The following SWAP70 variants were observed in gnomAD, a reference collection of about 807,000 sequenced individuals.
The protein encoded by SWAP70 is switching B cell complex subunit SWAP70.
In SWAP70, 34 loss-of-function variants were observed where a neutral mutation model predicts 80.2. The observed-to-expected ratio is 0.42, with a 90% confidence interval of 0.32 to 0.56. The LOEUF is 0.56. Among genes scored for constraint, SWAP70 ranks in the 20% least tolerant of loss-of-function variants. The pLI is 0.09. For synonymous variants in SWAP70, 239 were observed against 238.5 expected, an observed-to-expected ratio of 1.00 and a Z score of -0.02; for missense variants, 578 against 690.7, an observed-to-expected ratio of 0.84 and a Z score of 1.83.
In SWAP70 at chr11:9,679,359, C is replaced by T. The variant is rs551188080; in HGVS notation, c.100-14787C>T. 5.9e-5 allele frequency among the ~76,000 whole-genome samples: 9 copies of T among 152,332 alleles called. No homozygotes were observed. The South Asian group carries it at 1.9e-3, about 32-fold the overall frequency. ...AAGGTATTACATTCCACTCTACAGA[C>T]AGCTCTGGAAGGATGGGGCATGTCA... On this transcript the variant is annotated intron_variant, in intron 1 of 11. Coordinates refer to ENST00000318950, the MANE Select transcript of SWAP70 (RefSeq NM_015055.4).
chr11:9,732,391 G>A (rs915622462), intron 6 of SWAP70, 138 bp from the exon 7 acceptor site: 2 of 878,742 alleles, frequency 2.3e-6, no homozygotes, highest in African/African-American at 1.7e-5. Flanking sequence ...ACACCACTAT[G>A]GAGTGACAAA....
chr11:9,695,795 CT>C (rs1230472515), intron 2 of SWAP70, among the ~76,000 whole-genome samples: 1 of 151,856 alleles, frequency 6.6e-6, no homozygotes, highest in Admixed American at 6.6e-5. Flanking sequence ...TTCATATATA[CT>C]GGCAATAGTT....
In SWAP70 at chr11:9,752,735, A is replaced by G. The variant is rs1377554614; in HGVS notation, c.*2765A>G. 1 of 152,230 alleles carries G rather than the reference A, an allele frequency of 6.6e-6. No individual in the cohort carries two copies. The highest frequency in any genetic ancestry group is 2.4e-5 in the African/African-American group (1 of 41,456). 9.4% of individuals were successfully genotyped at this position (152,230 alleles called of 1,614,324 possible). A position where few individuals can be genotyped will look rare whatever the true frequency, so the allele number is the denominator to read the frequency against. On this transcript the variant is annotated 3_prime_UTR_variant, in exon 12 of 12. Coordinates refer to ENST00000318950, the MANE Select transcript of SWAP70 (RefSeq NM_015055.4). Reference sequence around the variant, plus strand: ...GGATATGATCATTTACAGGAATTATATATGAAAAAAGTTTTTGAAATGTAT... The same window carrying G: ...GGATATGATCATTTACAGGAATTATGTATGAAAAAAGTTTTTGAAATGTAT...
chr11:9,740,402 GT>G, intron 9 of SWAP70, 55 bp downstream of exon 9: 1 of 1,566,568 alleles, frequency 6.4e-7, no homozygotes, highest in South Asian at 1.1e-5. Flanking sequence ...GGCTAATACA[GT>G]TTCTTGGAAT....
At chr11:9,672,195 C>CCATATA (rs1554982642) in intron 1 of SWAP70, among the ~76,000 whole-genome samples, 3 of 78,418 alleles carry the variant, frequency 3.8e-5, no homozygotes, top group Admixed American at 4.2e-4. Context: ...ATGTGTGTGT[C>CCATATA]TATATATATA....
chr11:9,725,484 C>T (rs1160303150), intron 4 of SWAP70, among the ~76,000 whole-genome samples: 1 of 136,464 alleles, frequency 7.3e-6, no homozygotes, highest in African/African-American at 2.7e-5. Context: ...GAGCTCAAGA[C>T]CATCCTGGCC....
chr11:9,707,547 TTTTTCTTTTC>T (rs1314572001), intron 2 of SWAP70, among the ~76,000 whole-genome samples: 4 of 143,638 alleles, frequency 2.8e-5, no homozygotes, highest in African/African-American at 1.0e-4. Flanking sequence ...ACACATTTTC[TTTTTCTTTTC>T]TTTTTTTTTT....
chr11:9,730,091 C>A (rs921809205), intron 6 of SWAP70, among the ~76,000 whole-genome samples: 2 of 152,124 alleles, frequency 1.3e-5, no homozygotes, highest in African/African-American at 4.8e-5. Flanking sequence ...TAGGTAATTT[C>A]TCATCCCTTG....
At chr11:9,732,158 G>A (rs771097436) in intron 6 of SWAP70, among the ~76,000 whole-genome samples, 4 of 152,192 alleles carry the variant, frequency 2.6e-5, no homozygotes, top group African/African-American at 9.7e-5. Flanking sequence ...GAAAAGTATA[G>A]AGAAAGGAGT....
intron 1 of SWAP70, 67 bp from the exon 2 acceptor site, chr11:9,694,079 T>A (rs886704611): frequency 6.7e-7 from 1 of 1,489,560 alleles, no homozygotes; most frequent in Non-Finnish European, 9.0e-7. Context: ...CAGCATGTTG[T>A]ACTCATGGTG....
intron 1 of SWAP70, among the ~76,000 whole-genome samples, chr11:9,689,335 A>T (rs1261015122): frequency 6.6e-6 from 1 of 152,248 alleles, no homozygotes; most frequent in East Asian, 1.9e-4. Flanking sequence ...AACAGACCAC[A>T]CGAGCAGGGC....
intron 2 of SWAP70, among the ~76,000 whole-genome samples, chr11:9,698,947 G>A (rs563740386): frequency 6.6e-6 from 1 of 151,904 alleles, no homozygotes; most frequent in East Asian, 1.9e-4. Context: ...CAATTTTTAG[G>A]TATTTAATAC....
At chr11:9,737,495 T>C (rs1851377992) in intron 7 of SWAP70, among the ~76,000 whole-genome samples, 1 of 152,250 alleles carries the variant, frequency 6.6e-6, no homozygotes, top group Admixed American at 6.5e-5. Context: ...AAAGGGTCTG[T>C]GGAGCTCCTT....
In SWAP70 at chr11:9,698,093, G is replaced by GTTTTTTTT. The variant is rs201181416; in HGVS notation, c.240+3813_240+3814insTTTTTTTT. 1.1e-4 allele frequency among the ~76,000 whole-genome samples: 12 copies of GTTTTTTTT among 109,584 alleles called. 2 individuals are homozygous for GTTTTTTTT. The highest frequency in any genetic ancestry group is 1.0e-4 in the African/African-American group (3 of 29,494). The allele number at this position is 109,584 out of a possible 152,430, so 71.9% of individuals were successfully genotyped here. A position where few individuals can be genotyped will look rare whatever the true frequency, so the allele number is the denominator to read the frequency against. On this transcript the variant is annotated intron_variant, in intron 2 of 11. Transcript: ENST00000318950. ...GAGCCACCATGCCTGGCCAATACATGTTTTTTGTTTTTTTTTTTTTTTTTT... is the reference window on the plus strand; with the variant it reads ...GAGCCACCATGCCTGGCCAATACATGTTTTTTTTTTTTTTGTTTTTTTTTTTTTTTTTT...
At chr11:9,742,832 A>G (rs1287483792) in intron 9 of SWAP70, among the ~76,000 whole-genome samples, 1 of 150,584 alleles carries the variant, frequency 6.6e-6, no homozygotes. Flanking sequence ...AATGCACATA[A>G]TCTTACGCCA....
intron 4 of SWAP70, among the ~76,000 whole-genome samples, chr11:9,725,550 TATATATATATATATA>T (rs1851203774): frequency 1.8e-4 from 2 of 10,906 alleles, no homozygotes; most frequent in Admixed American, 1.1e-3. Context: ...TATATATATA[TATATATATATATATA>T]TATATTTTTT....
At chr11:9,673,681 C>G (rs1001601424) in intron 1 of SWAP70, among the ~76,000 whole-genome samples, 1 of 152,006 alleles carries the variant, frequency 6.6e-6, no homozygotes, top group Non-Finnish European at 1.5e-5. Context: ...GGGGGAGGAC[C>G]CCTTCTGAAA....
chr11:9,741,937 T>TGAAAAAAAAAAAAAA (rs1564835024), intron 9 of SWAP70: 1 of 32,496 alleles, frequency 3.1e-5, no homozygotes, highest in African/African-American at 8.8e-5. Flanking sequence ...AACCTCATCT[T>TGAAAAAAAAAAAAAA]TAAAAAAAAA....
chr11:9,664,355 C>G (rs1210946629), intron 1 of SWAP70, 77 bp downstream of exon 1: 1 of 1,472,200 alleles, frequency 6.8e-7, no homozygotes, highest in Non-Finnish European at 9.1e-7. Context: ...GAAGCGGGAC[C>G]TGGCGGGCCG....
Sources: gnomAD v4.1 joint callset for allele counts (sites outside exome capture counted in the v4.1 genomes callset) on GRCh38, gnomAD v4.1.1 for gene constraint, MANE v1.5 for transcripts, NCBI Gene and HGNC (gene_info 2026-07-23, HGNC 2026-07-21) for gene names.